UST: variants seen among roughly 807,000 people sequenced by gnomAD.
UST encodes chondroitin sulfate 2-O-sulfotransferase.
UST carries 21 observed loss-of-function variants against 45.6 expected under a neutral mutation model. That is an observed-to-expected ratio of 0.46 (90% CI 0.33 to 0.66). The LOEUF (loss-of-function observed/expected upper bound fraction) is 0.66, where lower values mean the gene tolerates loss of function less well. UST is among the 30% of genes least tolerant of loss of function. The probability of loss-of-function intolerance (pLI) is 0.02; values close to 1 mark genes in which losing one functional copy is unlikely to be tolerated. For synonymous variants in UST, 215 were observed against 200.6 expected (o/e 1.07, Z -0.61); for missense variants, 463 against 512.4 (o/e 0.90, Z 0.93).
intron 1 of UST, among the ~76,000 whole-genome samples, chr6:148,820,806 T>TC: frequency 7.1e-6 from 1 of 141,504 alleles, no homozygotes; most frequent in Admixed American, 7.2e-5. Context: ...TGAGCTGAGA[T>TC]CGCACCACTG....
intron 7 of UST, 28 bp from the exon 8 acceptor site, chr6:149,073,805 C>G (rs1776852147): frequency 6.2e-7 from 1 of 1,603,772 alleles, no homozygotes; most frequent in Non-Finnish European, 8.5e-7. Context: ...CAAATGATGG[C>G]TCATGTGCGA....
chr6:148,895,918 C>G (rs1779120733), intron 2 of UST, among the ~76,000 whole-genome samples: 1 of 152,172 alleles, frequency 6.6e-6, no homozygotes, highest in Admixed American at 6.5e-5. Context: ...ATTTTTTTCC[C>G]CTTTTAATAA....
intron 1 of UST, among the ~76,000 whole-genome samples, chr6:148,800,519 A>T (rs960418210): frequency 6.6e-6 from 1 of 152,048 alleles, no homozygotes; most frequent in African/African-American, 2.4e-5. Flanking sequence ...GTCTTATGGT[A>T]TGAGAGTTTG....
At chr6:148,956,656 C>T (rs1328101014) in intron 4 of UST, among the ~76,000 whole-genome samples, 2 of 152,204 alleles carry the variant, frequency 1.3e-5, no homozygotes, top group Non-Finnish European at 2.9e-5. Context: ...GCCCACTGCC[C>T]AGCTCCTGAC....
intron 1 of UST, among the ~76,000 whole-genome samples, chr6:148,880,619 A>G (rs1778805670): frequency 6.6e-6 from 1 of 152,032 alleles, no homozygotes; most frequent in Non-Finnish European, 1.5e-5. Context: ...TACATTTACA[A>G]CCTCCCTGGG....
chr6:148,896,515 C>A (rs1206934154), intron 2 of UST, among the ~76,000 whole-genome samples: 1 of 152,174 alleles, frequency 6.6e-6, no homozygotes, highest in African/African-American at 2.4e-5. Context: ...TGGTAAAAAC[C>A]CACATTGTCT....
chr6:148,809,088 G>A (rs1363833515), intron 1 of UST, among the ~76,000 whole-genome samples: 2 of 152,248 alleles, frequency 1.3e-5, no homozygotes, highest in African/African-American at 2.4e-5. Context: ...GAGGCCTGAA[G>A]TGCAGATGGG....
At chr6:148,940,743 G>T (rs1164694525) in intron 2 of UST, among the ~76,000 whole-genome samples, 3 of 152,058 alleles carry the variant, frequency 2.0e-5, no homozygotes, top group African/African-American at 7.2e-5. Flanking sequence ...ATCTCATTGC[G>T]ATTTTGATTT....
rs562666444 is a variant in UST, at chr6:148,990,084, G to A, written c.681+25521G>A. Among the ~76,000 whole-genome samples the A allele has an allele frequency of 3.9e-5, 6 of 152,246 alleles. No homozygotes were observed. The East Asian group carries it at 5.8e-4, about 15-fold the overall frequency. ...TTTTAAATATTTTATTTGGAGTTCG[G>A]CATTACAGTCAGGACAACCTACAGT... On this transcript the variant is annotated intron_variant, in intron 5 of 7. Coordinates refer to ENST00000367463, the MANE Select transcript of UST (RefSeq NM_005715.3).
intron 5 of UST, among the ~76,000 whole-genome samples, chr6:148,966,949 G>C (rs1261420490): frequency 6.6e-6 from 1 of 152,150 alleles, no homozygotes; most frequent in East Asian, 1.9e-4. Flanking sequence ...TGTTGGCCAG[G>C]CTGGTCTCGA....
chr6:148,994,114 C>T (rs1781405082), intron 5 of UST, among the ~76,000 whole-genome samples: 1 of 151,982 alleles, frequency 6.6e-6, no homozygotes, highest in Non-Finnish European at 1.5e-5. Flanking sequence ...GGACTACAGG[C>T]ATGCACCAGC....
At chr6:149,028,181 A>AGATAG in intron 7 of UST, among the ~76,000 whole-genome samples, 1 of 152,288 alleles carries the variant, frequency 6.6e-6, no homozygotes, top group African/African-American at 2.4e-5. Context: ...GCTCTGAGAT[A>AGATAG]GATAGCCCGC....
chr6:148,949,860 G>A (rs916037661), intron 3 of UST, among the ~76,000 whole-genome samples: 3 of 152,148 alleles, frequency 2.0e-5, no homozygotes, highest in Non-Finnish European at 4.4e-5. Flanking sequence ...TGCATGTCCT[G>A]AAGAATTTTC....
At chr6:149,062,820 T>C (rs917426959) in intron 7 of UST, among the ~76,000 whole-genome samples, 1 of 152,122 alleles carries the variant, frequency 6.6e-6, no homozygotes, top group Non-Finnish European at 1.5e-5. Context: ...TATCTGTAAG[T>C]AAAATGGGTA....
chr6:148,987,818 A>G (rs1276864984), intron 5 of UST, among the ~76,000 whole-genome samples: 1 of 135,414 alleles, frequency 7.4e-6, no homozygotes, highest in East Asian at 2.2e-4. Flanking sequence ...CGTAGCGCCA[A>G]AACTCTTGAT....
chr6:148,801,813 A>G (rs1176198580), intron 1 of UST, among the ~76,000 whole-genome samples: 1 of 152,102 alleles, frequency 6.6e-6, no homozygotes, highest in East Asian at 1.9e-4. Context: ...ATTTTATCCA[A>G]CATTTCTAGG....
intron 1 of UST, among the ~76,000 whole-genome samples, chr6:148,814,166 C>T (rs1175289192): frequency 1.3e-5 from 2 of 152,110 alleles, no homozygotes. Context: ...ACACTAATGA[C>T]ACAGTTTGCA....
intron 4 of UST, among the ~76,000 whole-genome samples, chr6:148,957,757 A>T (rs1002050808): frequency 3.3e-5 from 5 of 152,196 alleles, no homozygotes; most frequent in African/African-American, 1.2e-4. Context: ...TACTTTAAAA[A>T]ATAACTTTTA....
chr6:148,809,730 C>T (rs1037216394), intron 1 of UST, among the ~76,000 whole-genome samples: 5 of 152,236 alleles, frequency 3.3e-5, no homozygotes, highest in African/African-American at 1.2e-4. Context: ...CATTCATGTA[C>T]ATACCCATCA....
Sources: allele counts gnomAD v4.1 joint callset (sites outside exome capture counted in the v4.1 genomes callset), GRCh38; gene constraint gnomAD v4.1.1; transcripts MANE v1.5; gene names NCBI Gene and HGNC (gene_info 2026-07-23, HGNC 2026-07-21).